UBAC1: variants seen among roughly 807,000 people sequenced by gnomAD.
UBAC1 encodes the protein UBA domain containing 1, also known as ubiquitin-associated domain-containing protein 1.
UBAC1 carries 27 observed loss-of-function variants against 45.9 expected under a neutral mutation model. The ratio of observed to expected loss-of-function variants is 0.59; its 90% CI spans 0.43 to 0.81. UBAC1 has a LOEUF of 0.81. Ranked by LOEUF, UBAC1 falls within the 30% of genes least tolerant of loss-of-function variation. UBAC1 has a pLI of 0.00. For synonymous variants in UBAC1, 227 were observed against 215.5 expected (o/e 1.05, Z -0.47); for missense variants, 529 against 539.2 (o/e 0.98, Z 0.19).
chr9:135,954,691 T>C (rs1429169557), intron 2 of UBAC1, among the ~76,000 whole-genome samples: 1 of 152,074 alleles, frequency 6.6e-6, no homozygotes, highest in East Asian at 1.9e-4. Flanking sequence ...GGGTGGAGAG[T>C]TTAGTCTTAA....
In UBAC1 at chr9:135,938,339, G is replaced by A. The variant is rs1339360847; in HGVS notation, c.985C>T (p.Arg329Trp). The change falls in exon 9 of 10, where the codon CGG (arginine) becomes TGG (tryptophan). Residue 329 changes from arginine to tryptophan, a missense_variant. Transcript: ENST00000371756. ...NAACEWLLGD[R>W]KPSPEELDKG... is the part of the protein sequence containing the mutation. ...TCCAGCTCCTCCGGAGAGGGCTTCC[G>A]GTCCCCCAGCAGCCACTCGCACTGC... 39 of 1,613,578 alleles carry A rather than the reference G, an allele frequency of 2.4e-5. No homozygotes were observed. Among genetic ancestry groups the A allele is most frequent in the Non-Finnish European group, 3.1e-5 (36 of 1,180,006 alleles).
At position 135,933,463 on chromosome 9, in the gene UBAC1, A is replaced by T; in HGVS notation, c.1155T>A (p.Asp385Glu). 1 of 1,614,114 alleles carries T rather than the reference A, an allele frequency of 6.2e-7. No homozygotes were observed. The highest frequency in any genetic ancestry group is 8.5e-7 in the Non-Finnish European group (1 of 1,180,020). The stretch of plus-strand genomic sequence containing the variant: ...GCAGCATGACAGGCCCCGTTTCTGG[A>T]TCATTCATCCACTGGGTGCTGTTCA... Reference protein sequence around the residue: ...NPLNSTQWMNDPETGPVMLQI... With the variant: ...NPLNSTQWMNEPETGPVMLQI... Residue 385 changes from aspartate to glutamate, a missense_variant, in exon 10 of 10, where the codon GAT (aspartate) becomes GAA (glutamate). Physicochemically the swap from Asp to Glu is conservative, Grantham distance 45. Coordinates refer to ENST00000371756, the MANE Select transcript of UBAC1 (RefSeq NM_016172.3).
Position 135,948,196 on chromosome 9 carries a change from G to A in UBAC1, c.334-291C>T, listed in dbSNP as rs532007486. Among the ~76,000 whole-genome samples, 8 of 152,366 alleles carry A rather than the reference G, an allele frequency of 5.3e-5. No individual in the cohort carries two copies. The East Asian group carries it at 1.3e-3, about 26-fold the overall frequency. ...ACCACACAGGGACCGTGGCAGGGCT[G>A]GGGCAAGGGAGGCGACTCCAGAAGA... On this transcript the variant is annotated intron_variant, in intron 3 of 9. Transcript: ENST00000371756.
chr9:135,933,605 T>A (rs1032349363), intron 9 of UBAC1, 90 bp from the exon 10 acceptor site: 2 of 909,658 alleles, frequency 2.2e-6, no homozygotes, highest in African/African-American at 3.3e-5. Flanking sequence ...AGCTTCCTAA[T>A]GAAGAGGGTG....
intron 1 of UBAC1, among the ~76,000 whole-genome samples, chr9:135,955,720 A>G (rs538750818): frequency 6.6e-6 from 1 of 152,334 alleles, no homozygotes; most frequent in South Asian, 2.1e-4. Context: ...GATCTGGAAA[A>G]TAATTTTAAA....
intron 3 of UBAC1, 96 bp from the exon 4 acceptor site, chr9:135,948,001 C>A: frequency 8.4e-7 from 1 of 1,186,158 alleles, no homozygotes; most frequent in Non-Finnish European, 1.2e-6. Context: ...AAGAAAGACT[C>A]CGTCTCCTTT....
rs1839164863 is a variant in UBAC1, at chr9:135,933,193, C to G, written c.*207G>C. On this transcript the variant is annotated 3_prime_UTR_variant, in exon 10 of 10. Coordinates refer to ENST00000371756, the MANE Select transcript of UBAC1 (RefSeq NM_016172.3). ...TGCGACAACCACTTTTTTGTAAACA[C>G]CTGTCAGATGCTAAAAATACGGCCT... is the stretch of plus-strand genomic sequence containing the variant. 1.8e-6 allele frequency: 1 copy of G among 548,088 alleles called. No individual in the cohort carries two copies. The highest frequency in any genetic ancestry group is 2.3e-5 in the South Asian group (1 of 44,308). 34.0% of individuals were successfully genotyped at this position (548,088 alleles called of 1,614,324 possible).
chr9:135,945,212 T>C lies in UBAC1; in HGVS notation c.692A>G (p.His231Arg). 6.2e-7 allele frequency: 1 copy of C among 1,607,984 alleles called. No homozygotes were observed. The highest frequency in any genetic ancestry group is 8.5e-7 in the Non-Finnish European group (1 of 1,177,122). Residue 231 changes from histidine to arginine, a missense_variant, in exon 7 of 10, where the codon CAC becomes CGC. Transcript: ENST00000371756. ...VPQAMEWLIE[H>R]AEDPTIDTPL... ...CGTGTCTATGGTCGGGTCTTCTGCG[T>C]GTTCAATTAGCCACTCCATGGCCTG...
chr9:135,940,696 A>G (rs1472366865), intron 7 of UBAC1, among the ~76,000 whole-genome samples: 2 of 152,214 alleles, frequency 1.3e-5, no homozygotes, highest in East Asian at 3.8e-4. Flanking sequence ...CATTTTCTGG[A>G]CACAATTCAT....
At chr9:135,940,212 G>A (rs547987447) in intron 7 of UBAC1, among the ~76,000 whole-genome samples, 26 of 151,954 alleles carry the variant, frequency 1.7e-4, no homozygotes, top group South Asian at 6.2e-4. Flanking sequence ...GTCAGTAAGT[G>A]CAATCTCAAC....
rs954078890 is a variant in UBAC1 at position 135,961,198 on chromosome 9, G to T, written c.-36C>A. ...CCGCAGGGGCCTGCGCCCGCCACCC[G>T]GGCCCCTGAAGGTCACCGGGAAGGC... is the stretch of plus-strand genomic sequence containing the variant. On this transcript the variant is annotated 5_prime_UTR_variant, in exon 1 of 10. Transcript: ENST00000371756. 6.7e-7 allele frequency: 1 copy of T among 1,485,938 alleles called. No homozygotes were observed. 92.0% of individuals were successfully genotyped at this position (1,485,938 alleles called of 1,614,324 possible).
intron 9 of UBAC1, among the ~76,000 whole-genome samples, chr9:135,935,666 T>G (rs915965411): frequency 6.6e-6 from 1 of 151,036 alleles, no homozygotes; most frequent in Non-Finnish European, 1.5e-5. Context: ...ATGACACGCA[T>G]AGACAGTATG....
chr9:135,941,301 G>A (rs769495289), intron 7 of UBAC1, among the ~76,000 whole-genome samples: 7 of 152,144 alleles, frequency 4.6e-5, no homozygotes, highest in Non-Finnish European at 1.0e-4. Flanking sequence ...AGCTACTCGG[G>A]AGCCTGAGGC....
rs1298707608 is a variant in UBAC1, at chr9:135,933,649, G to A, written c.1103-134C>T. 3 of 659,100 alleles carry A rather than the reference G, an allele frequency of 4.6e-6. 1 individual carries two copies. The highest frequency in any genetic ancestry group is 3.5e-5 in the South Asian group (2 of 57,344). The allele number at this position is 659,100 out of a possible 1,614,324, so 40.8% of individuals were successfully genotyped here. On this transcript the variant is annotated intron_variant, in intron 9 of 9. Transcript: ENST00000371756. The stretch of plus-strand genomic sequence containing the variant: ...ATACAAAGGCCACACAGAGCTCACT[G>A]CTAAGTGTGCACTCTCAGGCTGAAA...
chr9:135,950,045 T>A (rs897299305), intron 3 of UBAC1, among the ~76,000 whole-genome samples: 1 of 152,186 alleles, frequency 6.6e-6, no homozygotes, highest in South Asian at 2.1e-4. Context: ...GGGTCGGAAC[T>A]GGACTCTGCC....
intron 3 of UBAC1, among the ~76,000 whole-genome samples, chr9:135,949,209 A>C (rs959738757): frequency 3.3e-5 from 5 of 152,202 alleles, no homozygotes; most frequent in African/African-American, 1.2e-4. Flanking sequence ...CTGGCCTAGG[A>C]ATTTAAACAT....
chr9:135,936,274 G>A (rs1326684225), intron 9 of UBAC1, among the ~76,000 whole-genome samples: 1 of 152,036 alleles, frequency 6.6e-6, no homozygotes, highest in Non-Finnish European at 1.5e-5. Context: ...GAGCTAGGAG[G>A]AATATGCTTT....
At chr9:135,956,242 G>A (rs752023777) in intron 1 of UBAC1, among the ~76,000 whole-genome samples, 41 of 152,270 alleles carry the variant, frequency 2.7e-4, no homozygotes, top group East Asian at 1.7e-3. Context: ...TGGAGCAGAC[G>A]GCCATGACCC....
At chr9:135,946,239 C>G in intron 5 of UBAC1, 30 bp downstream of exon 5, 1 of 1,511,542 alleles carries the variant, frequency 6.6e-7, no homozygotes, top group African/African-American at 1.4e-5. Context: ...GTGAACCGCC[C>G]TGGAATGCAG....
Sources: allele counts gnomAD v4.1 joint callset (sites outside exome capture counted in the v4.1 genomes callset), GRCh38; gene constraint gnomAD v4.1.1; transcripts MANE v1.5; gene names NCBI Gene and HGNC (gene_info 2026-07-23, HGNC 2026-07-21).